Variants in DLGAP2 observed in about 807,000 individuals in gnomAD.
DLGAP2 encodes DLG associated protein 2.
DLGAP2 carries 26 observed loss-of-function variants against 100.3 expected under a neutral mutation model. The ratio of observed to expected loss-of-function variants is 0.26; its 90% CI spans 0.19 to 0.36. The LOEUF (loss-of-function observed/expected upper bound fraction) is 0.36, where lower values mean the gene tolerates loss of function less well. Among genes scored for constraint, DLGAP2 ranks in the 10% least tolerant of loss-of-function variants. The pLI, the probability that DLGAP2 is intolerant of heterozygous loss-of-function variation, is 1.00. For synonymous variants in DLGAP2, 886 were observed against 630.1 expected (o/e 1.41, Z -6.08); for missense variants, 1,858 against 1,453.2 (o/e 1.28, Z -4.53).
At chr8:778,754 C>G (rs1298234144) in intron 1 of DLGAP2, among the ~76,000 whole-genome samples, 5 of 152,250 alleles carry the variant, frequency 3.3e-5, no homozygotes, top group South Asian at 2.1e-4. Flanking sequence ...AGCTGTCAGA[C>G]AGGGACATTT....
rs534965307 is a variant in DLGAP2 at position 896,336 on chromosome 8, C to T, written c.19-11576C>T. Among the ~76,000 whole-genome samples, 123 of 151,800 alleles carry T rather than the reference C, an allele frequency of 8.1e-4. 1 individual carries two copies. The highest frequency in any genetic ancestry group is 1.9e-3 in the Admixed American group (29 of 15,258). ...AGAGGATGTAGGGTTTTGTGCAGGA[C>T]CTGGCCGGGGAGTGGAATGGTGGTA... On this transcript the variant is annotated intron_variant, in intron 1 of 14. Coordinates refer to ENST00000637795, the MANE Select transcript of DLGAP2 (RefSeq NM_001346810.2).
intron 2 of DLGAP2, among the ~76,000 whole-genome samples, chr8:925,244 G>T (rs1798788631): frequency 6.6e-6 from 1 of 152,062 alleles, no homozygotes; most frequent in South Asian, 2.1e-4. Context: ...TAGCTGGGAC[G>T]ACAGGTGCAC....
intron 2 of DLGAP2, among the ~76,000 whole-genome samples, chr8:1,145,612 G>A (rs528996160): frequency 6.6e-6 from 1 of 151,916 alleles, no homozygotes; most frequent in Admixed American, 6.6e-5. Flanking sequence ...ATCTATGGAT[G>A]TATTCTTTTT....
At chr8:1,667,443 C>T (rs923251077) in intron 8 of DLGAP2, among the ~76,000 whole-genome samples, 34 of 152,076 alleles carry the variant, frequency 2.2e-4, no homozygotes, top group African/African-American at 7.7e-4. Flanking sequence ...CGTGGCCTGG[C>T]CCAGCTCAGA....
intron 2 of DLGAP2, among the ~76,000 whole-genome samples, chr8:1,108,198 T>C (rs62486776): frequency 0.044 from 6,646 of 152,290 alleles, 230 homozygotes; most frequent in Non-Finnish European, 0.068. Context: ...TGGCTGTCAC[T>C]GTCCTTCCTG....
At chr8:1,288,437 G>C (rs1414687769) in intron 3 of DLGAP2, among the ~76,000 whole-genome samples, 3 of 148,316 alleles carry the variant, frequency 2.0e-5, no homozygotes, top group African/African-American at 7.5e-5. Context: ...TTCAGTGTGT[G>C]TGTGTGTGTG....
chr8:1,482,806 C>G (rs1455576616), intron 3 of DLGAP2, among the ~76,000 whole-genome samples: 1 of 152,220 alleles, frequency 6.6e-6, no homozygotes, highest in Non-Finnish European at 1.5e-5. Flanking sequence ...TGGGGATGGG[C>G]GTGGGACCCT....
chr8:1,205,782 A>G (rs974320722), intron 2 of DLGAP2, among the ~76,000 whole-genome samples: 3 of 152,166 alleles, frequency 2.0e-5, no homozygotes, highest in African/African-American at 7.2e-5. Flanking sequence ...GTGACTGGAA[A>G]TTCATGGAGT....
chr8:1,482,925 C>G (rs1386112858), intron 3 of DLGAP2, among the ~76,000 whole-genome samples: 1 of 152,348 alleles, frequency 6.6e-6, no homozygotes, highest in South Asian at 2.1e-4. Flanking sequence ...GAGAAGAGGG[C>G]GGATGGTCTT....
At chr8:1,327,766 C>A (rs1418736195) in intron 3 of DLGAP2, among the ~76,000 whole-genome samples, 1 of 152,114 alleles carries the variant, frequency 6.6e-6, no homozygotes, top group Non-Finnish European at 1.5e-5. Context: ...ATGGCTTGAA[C>A]CCAGGAGGGG....
At chr8:1,146,561 G>GTGCACATGTGTGTGTA (rs1032791820) in intron 2 of DLGAP2, among the ~76,000 whole-genome samples, 1 of 150,104 alleles carries the variant, frequency 6.7e-6, no homozygotes, top group Non-Finnish European at 1.5e-5. Context: ...AACTGTGTGT[G>GTGCACATGTGTGTGTA]TGCACATGTG....
chr8:931,875 C>A (rs180997902), intron 2 of DLGAP2, among the ~76,000 whole-genome samples: 2 of 152,224 alleles, frequency 1.3e-5, no homozygotes, highest in African/African-American at 4.8e-5. Context: ...AATTTTGAGT[C>A]CTTTTGCTGG....
intron 1 of DLGAP2, among the ~76,000 whole-genome samples, chr8:748,564 C>T (rs1346323513): frequency 6.6e-6 from 1 of 152,134 alleles, no homozygotes; most frequent in Non-Finnish European, 1.5e-5. Flanking sequence ...CATAGAGGAG[C>T]CGAGAGATAG....
chr8:1,061,104 A>T (rs1033923949), intron 2 of DLGAP2, among the ~76,000 whole-genome samples: 1 of 152,126 alleles, frequency 6.6e-6, no homozygotes, highest in African/African-American at 2.4e-5. Context: ...GAACCCATCC[A>T]CCAGGTCTGT....
At chr8:1,435,353 G>A (rs913243967) in intron 3 of DLGAP2, among the ~76,000 whole-genome samples, 3 of 152,156 alleles carry the variant, frequency 2.0e-5, no homozygotes, top group African/African-American at 4.8e-5. Flanking sequence ...ATCACGCACC[G>A]CACACGGGTG....
At chr8:793,821 C>A (rs1422382572) in intron 1 of DLGAP2, among the ~76,000 whole-genome samples, 1 of 152,212 alleles carries the variant, frequency 6.6e-6, no homozygotes, top group Non-Finnish European at 1.5e-5. Context: ...TTTTACAGAA[C>A]CAAGGACAAC....
At chr8:1,454,357 T>G (rs945089846) in intron 3 of DLGAP2, among the ~76,000 whole-genome samples, 2 of 149,740 alleles carry the variant, frequency 1.3e-5, no homozygotes, top group Non-Finnish European at 3.0e-5. Flanking sequence ...TCTGTAACGT[T>G]TTTTTTTTTT....
intron 1 of DLGAP2, among the ~76,000 whole-genome samples, chr8:762,563 C>T (rs1453329598): frequency 6.6e-6 from 1 of 152,128 alleles, no homozygotes; most frequent in Non-Finnish European, 1.5e-5. Context: ...TCACCCCCTG[C>T]TTTGCAGAGC....
intron 3 of DLGAP2, among the ~76,000 whole-genome samples, chr8:1,328,426 C>G (rs1585264126): frequency 6.6e-6 from 1 of 152,216 alleles, no homozygotes; most frequent in South Asian, 2.1e-4. Context: ...TCAGGCTATT[C>G]TCCTGCCTCA....
Sources: gnomAD v4.1 joint callset for allele counts (sites outside exome capture counted in the v4.1 genomes callset) on GRCh38, gnomAD v4.1.1 for gene constraint, MANE v1.5 for transcripts, NCBI Gene and HGNC (gene_info 2026-07-23, HGNC 2026-07-21) for gene names.